Variants in SMIM9 observed in about 807,000 individuals in gnomAD.
SMIM9 encodes small integral membrane protein 9, also known as chromosome X open reading frame 68.
Under a neutral mutation model 7.2 loss-of-function variants are expected in SMIM9, and 8 were observed. The observed-to-expected ratio is 1.10, with a 90% CI of 0.65 to 1.99. The LOEUF (loss-of-function observed/expected upper bound fraction) is 1.99, where lower values mean the gene tolerates loss of function less well. SMIM9 is among the 30% of genes most tolerant of loss of function. The probability of loss-of-function intolerance (pLI) is 0.00; values close to 1 mark genes in which losing one functional copy is unlikely to be tolerated. For synonymous variants in SMIM9, 19 were observed against 26.4 expected (o/e 0.72, Z 0.86); for missense variants, 76 against 69.3 (o/e 1.10, Z -0.34).
rs143144713 is a variant in SMIM9 at position 154,828,267 on chromosome X, T to C, written c.272+1268A>G. 7.8e-3 allele frequency among the ~76,000 whole-genome samples: 863 copies of C among 111,127 alleles called. 5 individuals carry two copies. The highest frequency in any genetic ancestry group is 0.027 in the African/African-American group (815 of 30,514). The stretch of plus-strand genomic sequence containing the variant: ...GGTGGCTCTGCTTGGTTAAGTGACC[T>C]ATGAACTAAAACGAGTTATATGCTC... On this transcript the variant is annotated intron_variant, in intron 4 of 4. Transcript: ENST00000369529.
intron 4 of SMIM9, chrX:154,827,545 T>G (rs1212494127): frequency 8.9e-6 from 1 of 112,619 alleles, no homozygotes. Context: ...AGACATTTTA[T>G]GGCTAGGCCT....
intron 3 of SMIM9, among the ~76,000 whole-genome samples, chrX:154,830,083 A>T (rs2072437895): frequency 1.8e-5 from 2 of 111,574 alleles, no homozygotes; most frequent in South Asian, 7.6e-4. Context: ...CAGCCCTAAG[A>T]GCAGAGGAGA....
chrX:154,826,689 T>C (rs908930522), intron 4 of SMIM9, among the ~76,000 whole-genome samples: 1 of 112,981 alleles, frequency 8.9e-6, no homozygotes, highest in Non-Finnish European at 1.9e-5. Context: ...ATACGTTTCT[T>C]GTGTTTTCCA....
At chrX:154,830,593 G>T in intron 3 of SMIM9, 122 bp downstream of exon 3, 1 of 930,998 alleles carries the variant, frequency 1.1e-6, no homozygotes, top group Non-Finnish European at 1.5e-6. Flanking sequence ...AACCAAACCA[G>T]AATAGTTTGC....
intron 2 of SMIM9, 32 bp from the exon 3 acceptor site, chrX:154,830,987 T>TC (rs2072443398): frequency 1.3e-6 from 1 of 742,647 alleles, no homozygotes; most frequent in East Asian, 3.6e-5. Context: ...GTTTAGCTCA[T>TC]ATTCCAAAAA....
chrX:154,829,933 T>A (rs1169862232), intron 3 of SMIM9, among the ~76,000 whole-genome samples: 4 of 112,326 alleles, frequency 3.6e-5, no homozygotes, highest in Non-Finnish European at 5.6e-5. Context: ...ATCTTGAGTA[T>A]ATTGGGTACT....
intron 3 of SMIM9, chrX:154,830,465 G>C: frequency 1.5e-5 from 4 of 263,538 alleles, no homozygotes. Flanking sequence ...GGCATCTATG[G>C]CTTTGTCTGC....
chrX:154,826,833 A>C (rs1603430775), intron 4 of SMIM9, among the ~76,000 whole-genome samples: 2 of 112,560 alleles, frequency 1.8e-5, no homozygotes, highest in East Asian at 5.5e-4. Flanking sequence ...CATGATGCTG[A>C]GGTATGTGTG....
intron 3 of SMIM9, chrX:154,830,432 T>G: frequency 4.8e-6 from 1 of 206,391 alleles, no homozygotes; most frequent in Non-Finnish European, 8.8e-6. Context: ...CCTGGGAGCA[T>G]TGATCATACT....
chrX:154,828,474 C>T (rs1306747189), intron 4 of SMIM9, among the ~76,000 whole-genome samples: 5 of 111,080 alleles, frequency 4.5e-5, no homozygotes, highest in African/African-American at 3.3e-5. Flanking sequence ...ACTCTGTGGC[C>T]CATTGTCCAT....
intron 2 of SMIM9, among the ~76,000 whole-genome samples, chrX:154,832,194 C>A (rs1297131899): frequency 1.8e-5 from 2 of 111,050 alleles, no homozygotes; most frequent in Non-Finnish European, 3.8e-5. Context: ...AAAGCTGAAT[C>A]CTCCCTTTCT....
intron 4 of SMIM9, among the ~76,000 whole-genome samples, chrX:154,828,431 T>C (rs1557270339): frequency 9.0e-6 from 1 of 111,304 alleles, no homozygotes; most frequent in African/African-American, 3.3e-5. Flanking sequence ...TAGGTAGGCA[T>C]GGATTAGGCC....
chrX:154,827,712 T>A (rs2072427454), intron 4 of SMIM9, among the ~76,000 whole-genome samples: 1 of 112,536 alleles, frequency 8.9e-6, no homozygotes, highest in Admixed American at 9.4e-5. Context: ...TCTGTTACAG[T>A]CTGTCTTTCT....
At chrX:154,829,062 G>A (rs182767558) in intron 4 of SMIM9, among the ~76,000 whole-genome samples, 1 of 112,267 alleles carries the variant, frequency 8.9e-6, no homozygotes, top group East Asian at 2.8e-4. Context: ...AGACAAGCAA[G>A]TAGTCATTTG....
At position 154,829,623 on chromosome X, in the gene SMIM9, A is replaced by G. The variant is rs2052069175; in HGVS notation, c.184T>C (p.Trp62Arg). ...SWLNNFRDYL[W>R]QLIKSALPPA... ...GGTAAGGCACTCTTGATAAGTTGCC[A>G]TAAGTAATCCCTGAAGTTGTTCAGC... The change falls in exon 4 of 5, where the codon TGG (tryptophan) becomes CGG (arginine). Residue 62 changes from tryptophan to arginine, a missense_variant. Trp to Arg is a moderately radical substitution (Grantham distance 101, BLOSUM62 -3). Transcript: ENST00000369529. 1.7e-6 allele frequency: 2 copies of G among 1,166,062 alleles called. No homozygotes were observed. Among genetic ancestry groups the G allele is most frequent in the Admixed American group, 2.6e-5 (1 of 38,461 alleles).
At chrX:154,830,249 C>T (rs1315546234) in intron 3 of SMIM9, among the ~76,000 whole-genome samples, 2 of 111,869 alleles carry the variant, frequency 1.8e-5, no homozygotes, top group Admixed American at 9.4e-5. Context: ...GTGTCTGCAG[C>T]ATGGAGTTGA....
At chrX:154,824,481 G>A (rs782798696) in intron 4 of SMIM9, among the ~76,000 whole-genome samples, 1 of 111,164 alleles carries the variant, frequency 9.0e-6, no homozygotes, top group East Asian at 2.8e-4. Context: ...ACCACAAGGA[G>A]ATAACCAATG....
chrX:154,831,749 C>T (rs1225693456), intron 2 of SMIM9, among the ~76,000 whole-genome samples: 1 of 110,531 alleles, frequency 9.0e-6, no homozygotes, highest in Non-Finnish European at 1.9e-5. Flanking sequence ...AGGCATGTTC[C>T]TACCTTGGGG....
intron 3 of SMIM9, among the ~76,000 whole-genome samples, chrX:154,830,401 A>G (rs1386518288): frequency 9.0e-6 from 1 of 110,682 alleles, no homozygotes; most frequent in Non-Finnish European, 1.9e-5. Flanking sequence ...CCCCAAAACA[A>G]TTTAAATTAT....
Sources: gnomAD v4.1 joint callset for allele counts (sites outside exome capture counted in the v4.1 genomes callset) on GRCh38, gnomAD v4.1.1 for gene constraint, MANE v1.5 for transcripts, NCBI Gene and HGNC (gene_info 2026-07-23, HGNC 2026-07-21) for gene names.